Variants in BRMS1L observed in about 807,000 individuals in gnomAD.
The protein encoded by BRMS1L is BRMS1 like transcriptional repressor.
A neutral mutation model predicts 50.3 loss-of-function variants in BRMS1L; 23 were observed. The ratio of observed to expected loss-of-function variants is 0.46; its 90% confidence interval spans 0.33 to 0.65. The LOEUF is 0.65. BRMS1L is among the 30% of genes least tolerant of loss of function. The probability of loss-of-function intolerance (pLI) is 0.02; values close to 1 mark genes in which losing one functional copy is unlikely to be tolerated. For missense variants in BRMS1L, 286 were observed against 386.1 expected (o/e 0.74, Z 2.17); for synonymous variants, 114 against 126.9 (o/e 0.90, Z 0.69).
chr14:35,852,275 T>C (rs546241668), intron 4 of BRMS1L, among the ~76,000 whole-genome samples: 2 of 152,348 alleles, frequency 1.3e-5, no homozygotes, highest in East Asian at 3.9e-4. Flanking sequence ...ATCATGGTCA[T>C]ACCCACTGTA....
At chr14:35,843,457 G>A (rs2078092379) in intron 4 of BRMS1L, among the ~76,000 whole-genome samples, 1 of 152,170 alleles carries the variant, frequency 6.6e-6, no homozygotes, top group Non-Finnish European at 1.5e-5. Context: ...CAGGTCTGCT[G>A]GAGTTTGCTG....
chr14:35,864,505 T>G (rs1276434852), intron 6 of BRMS1L, among the ~76,000 whole-genome samples: 2 of 152,136 alleles, frequency 1.3e-5, no homozygotes, highest in South Asian at 2.1e-4. Flanking sequence ...AAGCCTGCAT[T>G]GGCCTCCCAA....
chr14:35,840,226 G>C (rs2078045368), intron 4 of BRMS1L, among the ~76,000 whole-genome samples: 2 of 152,300 alleles, frequency 1.3e-5, no homozygotes, highest in South Asian at 4.1e-4. Flanking sequence ...AAGCCGACTT[G>C]ATTATGGTGG....
chr14:35,836,628 C>T (rs751531051), intron 4 of BRMS1L, among the ~76,000 whole-genome samples: 11 of 152,188 alleles, frequency 7.2e-5, no homozygotes, highest in Non-Finnish European at 1.5e-4. Context: ...AGGTGTGAGC[C>T]AAGGATGTGC....
At chr14:35,842,088 T>C (rs866006045) in intron 4 of BRMS1L, among the ~76,000 whole-genome samples, 17 of 151,834 alleles carry the variant, frequency 1.1e-4, no homozygotes, top group Middle Eastern at 3.4e-3. Flanking sequence ...GCACGTGAGA[T>C]GCGTCTCCTG....
chr14:35,850,506 T>G (rs1310262208), intron 4 of BRMS1L, among the ~76,000 whole-genome samples: 1 of 152,234 alleles, frequency 6.6e-6, no homozygotes, highest in Non-Finnish European at 1.5e-5. Flanking sequence ...TTCAGTAGGT[T>G]GCCTTTTCAC....
chr14:35,870,244 T>C, intron 9 of BRMS1L, 116 bp from the exon 10 acceptor site: 1 of 621,308 alleles, frequency 1.6e-6, no homozygotes, highest in Non-Finnish European at 2.9e-6. Flanking sequence ...ATGACAATTA[T>C]ATACCTGAGT....
chr14:35,868,564 G>A (rs2078449965), intron 9 of BRMS1L, among the ~76,000 whole-genome samples: 1 of 152,092 alleles, frequency 6.6e-6, no homozygotes, highest in Non-Finnish European at 1.5e-5. Context: ...GCAGGATTGG[G>A]TGAGGCCAGG....
rs575526007 is a variant in BRMS1L, at chr14:35,857,281, A to G, written c.442-5309A>G. Among the ~76,000 whole-genome samples, 14 of 143,108 alleles carry G rather than the reference A, an allele frequency of 9.8e-5. No homozygotes were observed. In the South Asian group the frequency reaches 1.8e-3, roughly 18 times the overall value. The allele number at this position is 143,108 out of a possible 152,430, so 93.9% of individuals were successfully genotyped here. ...TATATATATGTATATATACATATAT[A>G]TGTGTGTGTGTGTGTGTGTGTATAT... On this transcript the variant is annotated intron_variant, in intron 4 of 9. Transcript: ENST00000216807.
At chr14:35,828,686 C>T (rs766894816) in intron 1 of BRMS1L, among the ~76,000 whole-genome samples, 1 of 152,002 alleles carries the variant, frequency 6.6e-6, no homozygotes, top group Non-Finnish European at 1.5e-5. Context: ...GAACTCCTGA[C>T]CTCAGGTGAT....
intron 1 of BRMS1L, chr14:35,829,901 A>G: frequency 9.1e-7 from 1 of 1,098,776 alleles, no homozygotes; most frequent in Non-Finnish European, 1.1e-6. Context: ...ACTATAGGAC[A>G]GACCTGGTAA....
chr14:35,840,759 C>T (rs147157081), intron 4 of BRMS1L, among the ~76,000 whole-genome samples: 27 of 152,094 alleles, frequency 1.8e-4, no homozygotes, highest in African/African-American at 6.3e-4. Flanking sequence ...TCTCTCTTTT[C>T]TTCTTTATTA....
intron 4 of BRMS1L, among the ~76,000 whole-genome samples, chr14:35,843,578 C>A (rs948990214): frequency 1.3e-5 from 2 of 152,190 alleles, no homozygotes; most frequent in African/African-American, 4.8e-5. Flanking sequence ...GGGGCACCTG[C>A]CAGATGCCAG....
intron 4 of BRMS1L, among the ~76,000 whole-genome samples, chr14:35,849,142 A>T (rs1468991778): frequency 6.6e-6 from 1 of 151,986 alleles, no homozygotes; most frequent in East Asian, 1.9e-4. Flanking sequence ...GGCATGAGCC[A>T]CTGTACCCTG....
intron 9 of BRMS1L, among the ~76,000 whole-genome samples, chr14:35,869,157 A>C (rs2078457130): frequency 6.6e-6 from 1 of 152,180 alleles, no homozygotes; most frequent in Non-Finnish European, 1.5e-5. Context: ...TTCTTATAGA[A>C]GCTCATTGAA....
chr14:35,849,872 T>C (rs980119426), intron 4 of BRMS1L, among the ~76,000 whole-genome samples: 1 of 151,904 alleles, frequency 6.6e-6, no homozygotes. Flanking sequence ...CAGGCTGGAG[T>C]GCAGTGGTGT....
chr14:35,869,262 G>A (rs1479536201), intron 9 of BRMS1L, among the ~76,000 whole-genome samples: 1 of 152,106 alleles, frequency 6.6e-6, no homozygotes, highest in Non-Finnish European at 1.5e-5. Context: ...TGTTTAAAAA[G>A]AGATGAGGCC....
rs538758038 is a variant in BRMS1L at position 35,842,980 on chromosome 14, C to A, written c.441+8057C>A. 2.6e-5 allele frequency among the ~76,000 whole-genome samples: 4 copies of A among 152,250 alleles called. No individual in the cohort carries two copies. In the South Asian group the frequency reaches 8.3e-4, roughly 32 times the overall value. On this transcript the variant is annotated intron_variant, in intron 4 of 9. Coordinates refer to ENST00000216807, the MANE Select transcript of BRMS1L (RefSeq NM_032352.4). Reference sequence around the variant, plus strand: ...CTCTTTATCAATTCAGCTGTTGATACTTGTGGATGCTTCATGAAGTTCTCA... The same window carrying A: ...CTCTTTATCAATTCAGCTGTTGATAATTGTGGATGCTTCATGAAGTTCTCA...
At chr14:35,848,338 T>A (rs1470386910) in intron 4 of BRMS1L, among the ~76,000 whole-genome samples, 1 of 152,078 alleles carries the variant, frequency 6.6e-6, no homozygotes, top group African/African-American at 2.4e-5. Flanking sequence ...ACATTATTAT[T>A]ATTATTAGTT....
Sources: allele counts gnomAD v4.1 joint callset (sites outside exome capture counted in the v4.1 genomes callset), GRCh38; gene constraint gnomAD v4.1.1; transcripts MANE v1.5; gene names NCBI Gene and HGNC (gene_info 2026-07-23, HGNC 2026-07-21).